The following LAMA3 variants were observed in gnomAD, a reference collection of about 807,000 sequenced individuals.
LAMA3 encodes the protein laminin subunit alpha-3.
LAMA3 carries 281 observed loss-of-function variants against 402.0 expected under a neutral mutation model. The observed-to-expected ratio is 0.70, with a 90% CI of 0.63 to 0.77. The LOEUF is 0.77. LAMA3 is among the 30% of genes least tolerant of loss of function. LAMA3 has a pLI of 0.00. For synonymous variants in LAMA3, 1,431 were observed against 1,558.4 expected, an observed-to-expected ratio of 0.92 and a Z score of 1.93; for missense variants, 3,840 against 4,215.5, an observed-to-expected ratio of 0.91 and a Z score of 2.47.
chr18:23,720,416 G>A (rs1222688486), intron 2 of LAMA3, among the ~76,000 whole-genome samples: 7 of 151,994 alleles, frequency 4.6e-5, no homozygotes, highest in Admixed American at 2.0e-4. Context: ...GTGCAGTGGC[G>A]CAATCTCGGC....
rs1290442064 is a variant in LAMA3, at chr18:23,931,098, A to G, written c.8473A>G (p.Ile2825Val). The change falls in exon 65 of 75, where the codon ATT becomes GTT. Residue 2825 changes from isoleucine to valine, a missense_variant. By Grantham distance (29) the Ile-to-Val change is conservative (BLOSUM62 3). This residue lies in a region of LAMA3 where 840 missense variants were observed against 981.9 expected (regional missense o/e 0.86). Transcript: ENST00000313654. The stretch of plus-strand genomic sequence containing the variant: ...GCAGGTCACTCTGGAAGATGGTTAC[A>G]TTGAATTGAGCACCAGCGATAGCGG... The part of the protein sequence containing the change: ...NLQVTLEDGY[I>V]ELSTSDSGGP... 3 of 1,613,790 alleles carry G rather than the reference A, an allele frequency of 1.9e-6. No individual in the cohort carries two copies. The highest frequency in any genetic ancestry group is 1.7e-6 in the Non-Finnish European group (2 of 1,179,638).
intron 2 of LAMA3, among the ~76,000 whole-genome samples, chr18:23,743,401 G>A (rs879924986): frequency 1.3e-5 from 2 of 152,058 alleles, no homozygotes; most frequent in Non-Finnish European, 2.9e-5. Flanking sequence ...CCTGCCCCTT[G>A]AACTCAGTAG....
In LAMA3 at chr18:23,847,511, C is replaced by T. The variant is rs367562646; in HGVS notation, c.3979C>T (p.Arg1327Cys). ...TTGTGAAGAGATGACGGGGCAGTGC[C>T]GCTGCCCTCCCCGCACGGTCAGGCC... ...RLCEEMTGQC[R>C]CPPRTVRPQC... Residue 1327 changes from arginine (R) to cysteine (C), a missense_variant, in exon 32 of 75, where the codon CGC (arginine) becomes TGC (cysteine). Arg to Cys is a radical substitution (Grantham distance 180). Coordinates refer to ENST00000313654, the MANE Select transcript of LAMA3 (RefSeq NM_198129.4). 206 of 1,613,862 alleles carry T rather than the reference C, an allele frequency of 1.3e-4. No individual in the cohort carries two copies. The highest frequency in any genetic ancestry group is 1.6e-4 in the Non-Finnish European group (192 of 1,180,036).
chr18:23,894,972 G>A lies in LAMA3; in HGVS notation c.5527G>A (p.Val1843Ile), dbSNP rs751707531. ...CACCATGGGCGAGCAGCTCCGCCTGGTCAAGTCTCAGCTGCAGGGCCTGAG... is the reference window on the plus strand; with the variant it reads ...CACCATGGGCGAGCAGCTCCGCCTGATCAAGTCTCAGCTGCAGGGCCTGAG... ...LATMGEQLRLVKSQLQGLSAS... is the reference protein window; with the variant it reads ...LATMGEQLRLIKSQLQGLSAS... Residue 1843 changes from valine (V) to isoleucine (I), a missense_variant, in exon 44 of 75, where the codon GTC (valine) becomes ATC (isoleucine). Around this residue, in one of 3 missense-constraint regions of LAMA3, gnomAD observed 891 missense variants for 857.5 expected, o/e 1.04. Coordinates refer to ENST00000313654, the MANE Select transcript of LAMA3 (RefSeq NM_198129.4). 10 of 1,613,988 alleles carry A rather than the reference G, an allele frequency of 6.2e-6. No homozygotes were observed. The African/African-American group carries it at 1.1e-4, about 17-fold the overall frequency.
At chr18:23,932,312 G>C in intron 66 of LAMA3, 21 bp downstream of exon 66, 1 of 1,613,022 alleles carries the variant, frequency 6.2e-7, no homozygotes, top group Non-Finnish European at 8.5e-7. Context: ...CTCTCTTTGT[G>C]GGTAACTGAT....
intron 18 of LAMA3, among the ~76,000 whole-genome samples, chr18:23,816,996 G>T (rs569920651): frequency 6.8e-4 from 104 of 152,328 alleles, no homozygotes; most frequent in African/African-American, 2.5e-3. Context: ...AGGTGCCTGG[G>T]CTAATAAGGT....
Position 23,867,878 on chromosome 18 carries a change from G to A in LAMA3, c.4728G>A (p.Arg1576=), listed in dbSNP as rs758790327. 6.2e-7 allele frequency: 1 copy of A among 1,614,062 alleles called. No individual in the cohort carries two copies. The highest frequency in any genetic ancestry group is 8.5e-7 in the Non-Finnish European group (1 of 1,179,978). The change falls in exon 37 of 75, where the codon CGG becomes CGA. Residue 1576 remains arginine, a synonymous_variant. Coordinates refer to ENST00000313654, the MANE Select transcript of LAMA3 (RefSeq NM_198129.4). ...SIIYEETNTP[R]PDRLHHGRVH... Reference sequence around the variant, plus strand: ...TCTATGAGGAGACAAACACCCCACGGCCAGACCGGCTGCATCATGGACGAG... The same window carrying A: ...TCTATGAGGAGACAAACACCCCACGACCAGACCGGCTGCATCATGGACGAG...
chr18:23,943,214 A>T (rs2082585806), intron 68 of LAMA3, among the ~76,000 whole-genome samples: 1 of 152,208 alleles, frequency 6.6e-6, no homozygotes, highest in Non-Finnish European at 1.5e-5. Flanking sequence ...CTACAATTCC[A>T]CTTACATGAG....
At chr18:23,871,942 T>C (rs956340574) in intron 38 of LAMA3, among the ~76,000 whole-genome samples, 12 of 152,288 alleles carry the variant, frequency 7.9e-5, no homozygotes, top group African/African-American at 2.9e-4. Context: ...TAGTTTCAAA[T>C]AGCTAGAAGG....
At chr18:23,793,080 A>G (rs897677158) in intron 12 of LAMA3, among the ~76,000 whole-genome samples, 1 of 152,178 alleles carries the variant, frequency 6.6e-6, no homozygotes, top group East Asian at 1.9e-4. Context: ...TAGACAGAGC[A>G]CTTCCACATT....
At chr18:23,769,808 C>G (rs1274818525) in intron 8 of LAMA3, among the ~76,000 whole-genome samples, 1 of 152,098 alleles carries the variant, frequency 6.6e-6, no homozygotes, top group East Asian at 1.9e-4. Flanking sequence ...CACTCCAATT[C>G]AAAGGCAGAA....
intron 11 of LAMA3, among the ~76,000 whole-genome samples, chr18:23,780,400 C>G (rs1416801455): frequency 6.6e-6 from 1 of 151,912 alleles, no homozygotes; most frequent in Non-Finnish European, 1.5e-5. Flanking sequence ...AGGGCTTCCC[C>G]AGAGCAGCAG....
intron 25 of LAMA3, among the ~76,000 whole-genome samples, chr18:23,838,066 A>G (rs1054395000): frequency 6.6e-6 from 1 of 152,186 alleles, no homozygotes; most frequent in African/African-American, 2.4e-5. Context: ...GTCAAATGCC[A>G]TTCAGAGTCA....
At chr18:23,901,974 G>A (rs143326880) in intron 48 of LAMA3, among the ~76,000 whole-genome samples, 2,172 of 152,318 alleles carry the variant, frequency 0.014, 22 homozygotes, top group Non-Finnish European at 0.023. Flanking sequence ...GATTACAGGC[G>A]TGAGCCACCA....
chr18:23,826,546 G>A lies in LAMA3; in HGVS notation c.2572-156G>A, dbSNP rs78637728. Among the ~76,000 whole-genome samples, 188 of 152,272 alleles carry A rather than the reference G, an allele frequency of 1.2e-3. 1 individual carries two copies. Among genetic ancestry groups the A allele is most frequent in the African/African-American group, 4.4e-3 (183 of 41,560 alleles). On this transcript the variant is annotated intron_variant, in intron 21 of 74. Transcript: ENST00000313654. Reference sequence around the variant, plus strand: ...TTGATGAGTGGTTCTTTGTGTTTCGGTGAGTCGGGATGAAGAACAAAGCAG... The same window carrying A: ...TTGATGAGTGGTTCTTTGTGTTTCGATGAGTCGGGATGAAGAACAAAGCAG...
At chr18:23,809,188 T>C (rs2063020577) in intron 12 of LAMA3, among the ~76,000 whole-genome samples, 1 of 152,204 alleles carries the variant, frequency 6.6e-6, no homozygotes, top group Admixed American at 6.5e-5. Flanking sequence ...CTGATGATTC[T>C]CTGATAACTT....
At chr18:23,808,574 G>A (rs1206751948) in intron 12 of LAMA3, among the ~76,000 whole-genome samples, 1 of 152,158 alleles carries the variant, frequency 6.6e-6, no homozygotes, top group Admixed American at 6.5e-5. Context: ...AAAGTGAAAT[G>A]ATAGTAAATT....
At chr18:23,896,406 T>C (rs2080874246) in intron 44 of LAMA3, among the ~76,000 whole-genome samples, 1 of 152,142 alleles carries the variant, frequency 6.6e-6, no homozygotes, top group Non-Finnish European at 1.5e-5. Context: ...AATTGGGGGA[T>C]TTTCCAGATA....
Position 23,941,334 on chromosome 18 carries a change from C to T in LAMA3, c.9026+1948C>T, listed in dbSNP as rs112765703. 1.3e-4 allele frequency among the ~76,000 whole-genome samples: 19 copies of T among 144,948 alleles called. 1 individual carries two copies. Among genetic ancestry groups the T allele is most frequent in the Non-Finnish European group, 2.4e-4 (16 of 65,368 alleles). On this transcript the variant is annotated intron_variant, in intron 68 of 74. Transcript: ENST00000313654. ...CTCTCCATCAGCTTGGCGCCCCCCC[C>T]CCGCCCGGCAGCTTCTCTCTCAACA...
Sources: allele counts gnomAD v4.1 joint callset (sites outside exome capture counted in the v4.1 genomes callset), GRCh38; gene constraint gnomAD v4.1.1; regional missense constraint gnomAD v4.1.1; transcripts MANE v1.5; gene names NCBI Gene and HGNC (gene_info 2026-07-23, HGNC 2026-07-21).